Variants in RBFOX1 observed in about 807,000 individuals in gnomAD.
RBFOX1 encodes RNA binding fox-1 homolog 1.
In RBFOX1, 8 loss-of-function variants were observed where a neutral mutation model predicts 57.7. The ratio of observed to expected loss-of-function variants is 0.14; its 90% CI spans 0.08 to 0.25. RBFOX1 has a LOEUF of 0.25. Ranked by LOEUF, RBFOX1 falls within the 10% of genes least tolerant of loss-of-function variation. The pLI, the probability that RBFOX1 is intolerant of heterozygous loss-of-function variation, is 1.00. For synonymous variants in RBFOX1, 326 were observed against 222.4 expected (o/e 1.47, Z -4.15); for missense variants, 611 against 548.5 (o/e 1.11, Z -1.14).
intron 3 of RBFOX1, among the ~76,000 whole-genome samples, chr16:6,803,828 C>T (rs945288290): frequency 6.6e-6 from 1 of 152,074 alleles, no homozygotes; most frequent in Non-Finnish European, 1.5e-5. Context: ...GGCTACATTT[C>T]TAATTTTTTC....
intron 3 of RBFOX1, among the ~76,000 whole-genome samples, chr16:5,690,379 C>G (rs370385746): frequency 6.6e-6 from 1 of 152,148 alleles, no homozygotes; most frequent in Non-Finnish European, 1.5e-5. Context: ...TTTGGGCCAC[C>G]GTCTACCCAT....
rs1259585181 is a variant in RBFOX1 at position 7,333,039 on chromosome 16, G to T, written c.28-185108G>T. 6.2e-7 allele frequency: 1 copy of T among 1,613,698 alleles called. No individual in the cohort carries two copies. Among genetic ancestry groups the T allele is most frequent in the Non-Finnish European group, 8.5e-7 (1 of 1,179,892 alleles). ...CAAGGAGTTCTCCTGCATCCTTATG[G>T]CGTGCCTATGATTGTACCGGCAGCT... is the stretch of plus-strand genomic sequence containing the variant. On this transcript the variant is annotated intron_variant, in intron 4 of 15. Coordinates refer to ENST00000550418, the MANE Select transcript of RBFOX1 (RefSeq NM_018723.4).
intron 12 of RBFOX1, among the ~76,000 whole-genome samples, chr16:7,656,758 G>A (rs1256566649): frequency 2.0e-5 from 3 of 152,108 alleles, no homozygotes; most frequent in Non-Finnish European, 4.4e-5. Context: ...GGTTGGGGCA[G>A]GGGGTGACAT....
At chr16:7,201,452 C>CTTTT (rs71147669) in intron 4 of RBFOX1, among the ~76,000 whole-genome samples, 1 of 146,050 alleles carries the variant, frequency 6.8e-6, no homozygotes, top group Non-Finnish European at 1.5e-5. Context: ...CGATCTGATT[C>CTTTT]TTTTTTTTTT....
In RBFOX1 at chr16:6,630,694, C is replaced by T. The variant is rs149183811; in HGVS notation, c.-63-23909C>T. Among the ~76,000 whole-genome samples the T allele has an allele frequency of 2.1e-3, 323 of 152,202 alleles. 1 individual carries two copies. The highest frequency in any genetic ancestry group is 7.4e-3 in the African/African-American group (308 of 41,530). ...CCTACAGCATTTCTGTTAAGTATCT[C>T]CATGTTTGTAGTCAAGTTTAAATTC... On this transcript the variant is annotated intron_variant, in intron 2 of 15. Coordinates refer to ENST00000550418, the MANE Select transcript of RBFOX1 (RefSeq NM_018723.4).
intron 4 of RBFOX1, among the ~76,000 whole-genome samples, chr16:5,958,312 G>A (rs2059686580): frequency 6.6e-6 from 1 of 152,208 alleles, no homozygotes; most frequent in African/African-American, 2.4e-5. Context: ...TTGTGGAGCA[G>A]TCTTTAGAAA....
At chr16:5,982,018 A>T (rs148647104) in intron 4 of RBFOX1, among the ~76,000 whole-genome samples, 409 of 152,322 alleles carry the variant, frequency 2.7e-3, no homozygotes, top group African/African-American at 9.1e-3. Flanking sequence ...CAAGGAGTCT[A>T]TGCAGATTGA....
intron 4 of RBFOX1, among the ~76,000 whole-genome samples, chr16:7,344,598 T>G (rs1281931056): frequency 6.6e-6 from 1 of 151,776 alleles, no homozygotes; most frequent in Non-Finnish European, 1.5e-5. Flanking sequence ...ATAATAATTA[T>G]TATTTCTACT....
At chr16:6,562,880 C>CTTTCTTTTTTTT (rs746999419) in intron 2 of RBFOX1, among the ~76,000 whole-genome samples, 3 of 51,776 alleles carry the variant, frequency 5.8e-5, no homozygotes, top group Non-Finnish European at 7.9e-5. Flanking sequence ...TTCTTTCTTT[C>CTTTCTTTTTTTT]TTTTTTTTTT....
In RBFOX1 at chr16:5,535,320, G is replaced by C. The variant is rs143466132; in HGVS notation, c.259-63582G>C. ...GTATCCACATTTGGTGTGGAAGTGG[G>C]TGGGAGTATGGTCCATCCTGGGGCA... On this transcript the variant is annotated intron_variant, in intron 2 of 2. Coordinates refer to the RBFOX1 transcript ENST00000585867. Among the ~76,000 whole-genome samples the C allele has an allele frequency of 2.6e-3, 389 of 152,314 alleles. 3 individuals are homozygous for C. The highest frequency in any genetic ancestry group is 8.9e-3 in the African/African-American group (369 of 41,574).
At chr16:5,386,786 C>G (rs914657445) in intron 1 of RBFOX1, among the ~76,000 whole-genome samples, 1 of 152,182 alleles carries the variant, frequency 6.6e-6, no homozygotes, top group Non-Finnish European at 1.5e-5. Flanking sequence ...CGTGGTGGCT[C>G]ACACCTGTAA....
At chr16:6,803,070 G>C (rs1304794181) in intron 3 of RBFOX1, among the ~76,000 whole-genome samples, 1 of 152,100 alleles carries the variant, frequency 6.6e-6, no homozygotes, top group Non-Finnish European at 1.5e-5. Context: ...GTTACTTTGT[G>C]TGTGTGTTTA....
Position 7,053,447 on chromosome 16 carries a change from C to G in RBFOX1, c.27+1349C>G, listed in dbSNP as rs532533226. On this transcript the variant is annotated intron_variant, in intron 4 of 15. Transcript: ENST00000550418. ...CATCCTGTTAAATAATGTATTACAA[C>G]TTTAGATTTCTCTTGCTGTTTGGAT... Among the ~76,000 whole-genome samples, 179 of 152,184 alleles carry G rather than the reference C, an allele frequency of 1.2e-3. 3 individuals carry two copies. Among genetic ancestry groups the G allele is most frequent in the Non-Finnish European group, 4.4e-4 (30 of 68,000 alleles).
chr16:6,518,757 A>T lies in RBFOX1; in HGVS notation c.-63-135846A>T, dbSNP rs182374530. 1.4e-3 allele frequency among the ~76,000 whole-genome samples: 219 copies of T among 151,760 alleles called. 2 individuals are homozygous for T. The highest frequency in any genetic ancestry group is 5.1e-3 in the African/African-American group (211 of 41,412). ...TCCATCTATCTCTGTCTGTCTGTCT[A>T]TCCATCTATCTATCCATCTGTCTGT... On this transcript the variant is annotated intron_variant, in intron 2 of 15. Coordinates refer to ENST00000550418, the MANE Select transcript of RBFOX1 (RefSeq NM_018723.4).
intron 4 of RBFOX1, among the ~76,000 whole-genome samples, chr16:7,262,676 C>T (rs977970733): frequency 1.3e-5 from 2 of 152,212 alleles, no homozygotes; most frequent in Admixed American, 6.5e-5. Context: ...TCAAGGAGGG[C>T]GTGGAGGTGT....
intron 5 of RBFOX1, among the ~76,000 whole-genome samples, chr16:7,542,699 GAAAAA>G (rs59316335): frequency 1.3e-5 from 1 of 74,358 alleles, no homozygotes; most frequent in Non-Finnish European, 2.5e-5. Flanking sequence ...TACTAAAAAT[GAAAAA>G]AAAAAAAAAA....
chr16:5,472,462 A>C (rs749684813), intron 2 of RBFOX1, among the ~76,000 whole-genome samples: 45 of 152,170 alleles, frequency 3.0e-4, no homozygotes, highest in Non-Finnish European at 5.4e-4. Context: ...CTCCCGGCTC[A>C]GCACAGACAG....
chr16:5,574,929 C>T (rs940773680), intron 2 of RBFOX1, among the ~76,000 whole-genome samples: 1 of 152,180 alleles, frequency 6.6e-6, no homozygotes, highest in Admixed American at 6.5e-5. Context: ...TTGAGCTTTT[C>T]ATACCCTGCA....
intron 4 of RBFOX1, among the ~76,000 whole-genome samples, chr16:7,292,272 A>G (rs1399071204): frequency 8.1e-6 from 1 of 123,942 alleles, no homozygotes; most frequent in Non-Finnish European, 1.6e-5. Flanking sequence ...TATAGAACGT[A>G]TTATATATCA....
Sources: gnomAD v4.1 joint callset for allele counts (sites outside exome capture counted in the v4.1 genomes callset) on GRCh38, gnomAD v4.1.1 for gene constraint, MANE v1.5 for transcripts, NCBI Gene and HGNC (gene_info 2026-07-23, HGNC 2026-07-21) for gene names.